Variants in GAPVD1 observed in about 807,000 individuals in gnomAD.
GAPVD1 encodes GTPase-activating protein and VPS9 domain-containing protein 1.
GAPVD1 carries 35 observed loss-of-function variants against 155.5 expected under a neutral mutation model. The ratio of observed to expected loss-of-function variants is 0.23; its 90% confidence interval spans 0.17 to 0.30. GAPVD1 has a LOEUF of 0.30. Among genes scored for constraint, GAPVD1 ranks in the 10% least tolerant of loss-of-function variants. GAPVD1 has a pLI of 1.00. For missense variants in GAPVD1, 1,429 were observed against 1,775.7 expected (o/e 0.80, Z 3.51); for synonymous variants, 636 against 619.7 (o/e 1.03, Z -0.39).
intron 2 of GAPVD1, among the ~76,000 whole-genome samples, chr9:125,293,864 A>ATAT (rs1564311241): frequency 6.8e-5 from 1 of 14,736 alleles, no homozygotes; most frequent in African/African-American, 6.8e-4. Flanking sequence ...ATATATATAT[A>ATAT]TATATATATA....
intron 2 of GAPVD1, among the ~76,000 whole-genome samples, chr9:125,280,637 G>A (rs1412232470): frequency 4.0e-5 from 6 of 148,476 alleles, no homozygotes; most frequent in African/African-American, 1.2e-4. Flanking sequence ...GTGCAGTGGC[G>A]CAATCTTGGC....
intron 2 of GAPVD1, among the ~76,000 whole-genome samples, chr9:125,289,604 T>TG (rs1838265854): frequency 6.6e-6 from 1 of 151,940 alleles, no homozygotes; most frequent in Admixed American, 6.6e-5. Flanking sequence ...CGTCTTTTTG[T>TG]GGGGAGGGAA....
intron 4 of GAPVD1, among the ~76,000 whole-genome samples, chr9:125,300,079 ATATATATATATATATGTATT>A (rs1564330952): frequency 4.0e-5 from 4 of 100,766 alleles, no homozygotes; most frequent in African/African-American, 1.5e-4. Context: ...ATATATATAT[ATATATATATATATATGTATT>A]TCCATGTTTT....
rs780909916 is a variant in GAPVD1, at chr9:125,307,796, A to T, written c.1357A>T (p.Ser453Cys). ...NLPPAKPGKSSSLEMTPYNTP... is the reference protein window; with the variant it reads ...NLPPAKPGKSCSLEMTPYNTP... ...ACCCCCGGCCAAGCCAGGAAAAAGT[A>T]GCAGTTTAGAAATGACTCCCTACAA... Residue 453 changes from serine (S) to cysteine (C), a missense_variant, in exon 8 of 28, where the codon AGC (serine) becomes TGC (cysteine). This residue lies in a region of GAPVD1 where 628 missense variants were observed against 733.4 expected (regional missense o/e 0.86). Coordinates refer to ENST00000297933, the MANE Select transcript of GAPVD1 (RefSeq NM_001282680.3). 2 of 1,613,740 alleles carry T rather than the reference A, an allele frequency of 1.2e-6. No individual in the cohort carries two copies. The highest frequency in any genetic ancestry group is 2.2e-5 in the South Asian group (2 of 91,060).
chr9:125,356,872 A>G (rs1169028146), intron 25 of GAPVD1, among the ~76,000 whole-genome samples: 2 of 151,926 alleles, frequency 1.3e-5, no homozygotes, highest in South Asian at 2.1e-4. Context: ...ATGGGGTTTC[A>G]CCATGTTGGC....
chr9:125,332,600 C>G lies in GAPVD1; in HGVS notation c.2399C>G (p.Thr800Ser). 1 of 1,609,766 alleles carries G rather than the reference C, an allele frequency of 6.2e-7. No homozygotes were observed. Among genetic ancestry groups the G allele is most frequent in the Non-Finnish European group, 8.5e-7 (1 of 1,177,076 alleles). The change falls in exon 15 of 28, where the codon ACT (threonine) becomes AGT (serine). Residue 800 changes from threonine (T) to serine (S), a missense_variant. Transcript: ENST00000297933. ...GATTTTGGGGGTAAAGATTCTGTCA[C>G]TAGTCCAGACATGGATGAAATAACT... ...SSDFGGKDSVTSPDMDEITHG... is the reference protein window; with the variant it reads ...SSDFGGKDSVSSPDMDEITHG...
At chr9:125,298,856 C>T (rs1216541671) in intron 3 of GAPVD1, 34 bp from the exon 4 acceptor site, 5 of 911,356 alleles carry the variant, frequency 5.5e-6, no homozygotes, top group South Asian at 5.4e-5. Context: ...AAGTGACATA[C>T]ATAAACTTTA....
chr9:125,332,741 C>A, intron 15 of GAPVD1, 112 bp downstream of exon 15: 1 of 841,974 alleles, frequency 1.2e-6, no homozygotes, highest in Non-Finnish European at 1.9e-6. Context: ...TTGGGACATA[C>A]TTTGTCAGTA....
intron 8 of GAPVD1, chr9:125,308,347 CA>C (rs5900650): frequency 0.026 from 3,492 of 133,446 alleles, 113 homozygotes; most frequent in East Asian, 0.1. Context: ...GACCCTATCT[CA>C]AAAAAAAAAA....
rs894544834 is a variant in GAPVD1 at position 125,302,128 on chromosome 9, G to A, written c.331G>A (p.Ala111Thr). 6.2e-7 allele frequency: 1 copy of A among 1,613,736 alleles called. No individual in the cohort carries two copies. Residue 111 changes from alanine to threonine, a missense_variant, in exon 5 of 28, where the codon GCC (alanine) becomes ACC (threonine). Ala to Thr is a moderately conservative substitution (Grantham distance 58, BLOSUM62 0). Around this residue, in one of 4 missense-constraint regions of GAPVD1, gnomAD observed 628 missense variants for 733.4 expected, o/e 0.86. Coordinates refer to ENST00000297933, the MANE Select transcript of GAPVD1 (RefSeq NM_001282680.3). ...ATTGAGGGAAAATCCTCGTCTTATT[G>A]CCTCCTCTTTGGTTGCTGGAGAGAA... Reference protein sequence around the residue: ...SRLRENPRLIASSLVAGEKLN... With the variant: ...SRLRENPRLITSSLVAGEKLN...
intron 18 of GAPVD1, chr9:125,341,540 T>G: frequency 3.7e-6 from 1 of 268,880 alleles, no homozygotes; most frequent in Non-Finnish European, 7.0e-6. Context: ...GTTAAACATA[T>G]AGAGGACTTC....
intron 2 of GAPVD1, among the ~76,000 whole-genome samples, chr9:125,289,272 C>T (rs748050289): frequency 1.3e-4 from 20 of 152,074 alleles, no homozygotes; most frequent in East Asian, 1.9e-4. Flanking sequence ...ATTTTGAACA[C>T]GGGAGCCCTA....
chr9:125,305,152 A>G lies in GAPVD1; in HGVS notation c.1116+3A>G, dbSNP rs1841571736. The G allele has an allele frequency of 2.5e-6, 4 of 1,586,884 alleles. No individual in the cohort carries two copies. Among genetic ancestry groups the G allele is most frequent in the Non-Finnish European group, 3.5e-6 (4 of 1,155,332 alleles). ...GCAGCCTTGGAAAGTTTGACAAAGT[A>G]AGAATAAATATGATTTATAGAAAAT... is the stretch of plus-strand genomic sequence containing the variant. On this transcript the variant is annotated splice_donor_region_variant and intron_variant, in intron 6 of 27. Coordinates refer to ENST00000297933, the MANE Select transcript of GAPVD1 (RefSeq NM_001282680.3).
intron 25 of GAPVD1, among the ~76,000 whole-genome samples, chr9:125,358,532 G>GACCA (rs1271057064): frequency 1.1e-4 from 16 of 152,208 alleles, no homozygotes. Context: ...CGTGTAATAG[G>GACCA]ATCCTCGGGG....
intron 12 of GAPVD1, among the ~76,000 whole-genome samples, chr9:125,328,396 A>G (rs1263043289): frequency 7.5e-6 from 1 of 134,062 alleles, no homozygotes; most frequent in Non-Finnish European, 1.5e-5. Context: ...GGGAGTGGTG[A>G]TGACTCTTAA....
At chr9:125,268,087 C>G (rs1288038201) in intron 1 of GAPVD1, among the ~76,000 whole-genome samples, 5 of 151,936 alleles carry the variant, frequency 3.3e-5, no homozygotes, top group Non-Finnish European at 7.4e-5. Context: ...TCGCTTGAAC[C>G]CAGGAGGCTG....
intron 2 of GAPVD1, among the ~76,000 whole-genome samples, chr9:125,278,202 C>T: frequency 6.6e-6 from 1 of 151,904 alleles, no homozygotes; most frequent in East Asian, 1.9e-4. Context: ...TGGTTAAGTC[C>T]CTGAAAAGTG....
intron 1 of GAPVD1, chr9:125,263,715 A>G: frequency 2.9e-6 from 1 of 345,674 alleles, no homozygotes; most frequent in Non-Finnish European, 4.9e-6. Flanking sequence ...GTCTGTCAGC[A>G]CTCCATCTGT....
chr9:125,325,747 G>C (rs1017282157), intron 11 of GAPVD1, among the ~76,000 whole-genome samples: 10 of 152,044 alleles, frequency 6.6e-5, no homozygotes, highest in Non-Finnish European at 2.9e-5. Flanking sequence ...GTATTAATTA[G>C]GATTAAGTTT....
Sources: gnomAD v4.1 joint callset for allele counts (sites outside exome capture counted in the v4.1 genomes callset) on GRCh38, gnomAD v4.1.1 for gene constraint, gnomAD v4.1.1 regional missense constraint, MANE v1.5 for transcripts, NCBI Gene and HGNC (gene_info 2026-07-23, HGNC 2026-07-21) for gene names.